Variants in MYORG observed in about 807,000 individuals in gnomAD.
The protein encoded by MYORG is alpha-galactosidase MYORG.
A neutral mutation model predicts 49.8 loss-of-function variants in MYORG; 45 were observed. The observed-to-expected ratio is 0.90, with a 90% CI of 0.71 to 1.16. MYORG has a LOEUF of 1.16. MYORG is among the 50% of genes most tolerant of loss of function. The pLI is 0.00. For synonymous variants in MYORG, 552 were observed against 462.9 expected (o/e 1.19, Z -2.47); for missense variants, 1,110 against 1,026.5 (o/e 1.08, Z -1.11).
rs745599177 is a variant in MYORG at position 34,370,822 on chromosome 9, C to T, written c.2122G>A (p.Ala708Thr). The T allele has an allele frequency of 2.5e-6, 4 of 1,584,904 alleles. No individual in the cohort carries two copies. The highest frequency in any genetic ancestry group is 3.4e-5 in the Admixed American group (2 of 58,912). The change falls in exon 2 of 2, where the codon GCC becomes ACC. Residue 708 changes from alanine to threonine, a missense_variant. Coordinates refer to ENST00000297625, the MANE Select transcript of MYORG (RefSeq NM_020702.5). Reference sequence around the variant, plus strand: ...GGTCAGGACGCCCAGGTAAAGTAGGCGATCTCATCCAGGTCGACCGGGTAA... The same window carrying T: ...GGTCAGGACGCCCAGGTAAAGTAGGTGATCTCATCCAGGTCGACCGGGTAA... The part of the protein sequence containing the change: ...TDYPVDLDEI[A>T]YFTWAS
intron 1 of MYORG, among the ~76,000 whole-genome samples, chr9:34,374,639 C>T (rs993785192): frequency 6.6e-6 from 1 of 151,976 alleles, no homozygotes; most frequent in Non-Finnish European, 1.5e-5. Flanking sequence ...TGCCTGTAAT[C>T]CTAGCACTTT....
At position 34,371,208 on chromosome 9, in the gene MYORG, T is replaced by G. The variant is rs1313829774; in HGVS notation, c.1736A>C (p.Glu579Ala). 1.9e-6 allele frequency: 3 copies of G among 1,610,548 alleles called. No homozygotes were observed. The South Asian group carries it at 3.3e-5, about 18-fold the overall frequency. The change falls in exon 2 of 2, where the codon GAA (glutamate) becomes GCA (alanine). Residue 579 changes from glutamate (E) to alanine (A), a missense_variant. Physicochemically the swap from Glu to Ala is moderately radical, Grantham distance 107. Coordinates refer to ENST00000297625, the MANE Select transcript of MYORG (RefSeq NM_020702.5). ...CATGGCCGGCATAAAGGCGGCCACTTCCAGCCAGCGAATGTAGAGCTCGCG... is the reference window on the plus strand; with the variant it reads ...CATGGCCGGCATAAAGGCGGCCACTGCCAGCCAGCGAATGTAGAGCTCGCG... The part of the protein sequence containing the change: ...PERELYIRWL[E>A]VAAFMPAMQF...
chr9:34,374,682 A>G (rs1217186726), intron 1 of MYORG, among the ~76,000 whole-genome samples: 1 of 151,828 alleles, frequency 6.6e-6, no homozygotes, highest in Admixed American at 6.6e-5. Flanking sequence ...TCTTGAGCTC[A>G]GGAGTTTGAG....
chr9:34,373,346 A>G (rs1434613485), intron 1 of MYORG, among the ~76,000 whole-genome samples: 1 of 152,202 alleles, frequency 6.6e-6, no homozygotes, highest in Non-Finnish European at 1.5e-5. Context: ...CCCAGATCAC[A>G]CATGGGGCCG....
rs954242292 is a variant in MYORG, at chr9:34,368,422, G to A, written c.*2377C>T. The A allele has an allele frequency of 5.9e-5, 9 of 152,102 alleles. No homozygotes were observed. Among genetic ancestry groups the A allele is most frequent in the Non-Finnish European group, 1.2e-4 (8 of 68,032 alleles). The allele number at this position is 152,102 out of a possible 1,614,324, so 9.4% of individuals were successfully genotyped here. A position where few individuals can be genotyped will look rare whatever the true frequency, so the allele number is the denominator to read the frequency against. ...GCTGCAAATTTTCCAAACTTTTATAGTCTGTTTCCCTTTTAAAACTGAATG... is the reference window on the plus strand; with the variant it reads ...GCTGCAAATTTTCCAAACTTTTATAATCTGTTTCCCTTTTAAAACTGAATG... On this transcript the variant is annotated 3_prime_UTR_variant, in exon 2 of 2. Transcript: ENST00000297625.
Position 34,370,726 on chromosome 9 carries a change from G to A in MYORG, c.*73C>T, listed in dbSNP as rs1426037434. ...GGTGGGAGGTTCCTGGGAGTACATG[G>A]TGCGGGTGTGACGGAGGGTTCAAGG... On this transcript the variant is annotated 3_prime_UTR_variant, in exon 2 of 2. Coordinates refer to ENST00000297625, the MANE Select transcript of MYORG (RefSeq NM_020702.5). The A allele has an allele frequency of 6.1e-6, 9 of 1,472,562 alleles. 1 individual carries two copies. The highest frequency in any genetic ancestry group is 8.1e-6 in the Non-Finnish European group (9 of 1,106,018). 91.2% of individuals were successfully genotyped at this position (1,472,562 alleles called of 1,614,324 possible).
Position 34,370,625 on chromosome 9 carries a change from C to T in MYORG, c.*174G>A. The T allele has an allele frequency of 8.3e-7, 1 of 1,201,460 alleles. No individual in the cohort carries two copies. The highest frequency in any genetic ancestry group is 1.8e-5 in the South Asian group (1 of 55,674). 74.4% of individuals were successfully genotyped at this position (1,201,460 alleles called of 1,614,324 possible). On this transcript the variant is annotated 3_prime_UTR_variant, in exon 2 of 2. Coordinates refer to ENST00000297625, the MANE Select transcript of MYORG (RefSeq NM_020702.5). ...GTTGGAGCAGGAGATTGCTTCAGTG[C>T]CCCCTCCCTAGGCCCCACCTTCAGC...
chr9:34,371,976 A>G lies in MYORG; in HGVS notation c.968T>C (p.Leu323Pro), dbSNP rs1472373442. 6.2e-7 allele frequency: 1 copy of G among 1,613,906 alleles called. No individual in the cohort carries two copies. Among genetic ancestry groups the G allele is most frequent in the Non-Finnish European group, 8.5e-7 (1 of 1,179,900 alleles). Reference protein sequence around the residue: ...FRDPIWSTWALYGRAVDQDKV... With the variant: ...FRDPIWSTWAPYGRAVDQDKV... ...GTCCTGGTCCACGGCGCGCCCGTACAGCGCCCATGTGGACCAAATGGGGTC... is the reference window on the plus strand; with the variant it reads ...GTCCTGGTCCACGGCGCGCCCGTACGGCGCCCATGTGGACCAAATGGGGTC... The change falls in exon 2 of 2, where the codon CTG (leucine) becomes CCG (proline). Residue 323 changes from leucine to proline, a missense_variant. By Grantham distance (98) the Leu-to-Pro change is moderately conservative. Transcript: ENST00000297625.
At position 34,371,998 on chromosome 9, in the gene MYORG, G is replaced by T. The variant is rs776415862; in HGVS notation, c.946C>A (p.Pro316Thr). The change falls in exon 2 of 2, where the codon CCC (proline) becomes ACC (threonine). Residue 316 changes from proline to threonine, a missense_variant. Coordinates refer to ENST00000297625, the MANE Select transcript of MYORG (RefSeq NM_020702.5). Reference sequence around the variant, plus strand: ...TACAGCGCCCATGTGGACCAAATGGGGTCTCGGAAGGCCTCGGGTGCTGGC... The same window carrying T: ...TACAGCGCCCATGTGGACCAAATGGTGTCTCGGAAGGCCTCGGGTGCTGGC... Reference protein sequence around the residue: ...RVPAPEAFRDPIWSTWALYGR... With the variant: ...RVPAPEAFRDTIWSTWALYGR... 6.2e-7 allele frequency: 1 copy of T among 1,614,028 alleles called. No homozygotes were observed. The highest frequency in any genetic ancestry group is 1.7e-5 in the Admixed American group (1 of 60,036).
Position 34,372,197 on chromosome 9 carries a change from C to A in MYORG, c.747G>T (p.Trp249Cys). The change falls in exon 2 of 2, where the codon TGG becomes TGT. Residue 249 changes from tryptophan to cysteine, a missense_variant. Transcript: ENST00000297625. ...GCCGCAGCGAGCGCTCCGTGCTGTT[C>A]CAGCCCAGGTGGAAGGGCACTGAGT... ...VNDSVPFHLG[W>C]NSTERSLRLQ... The A allele has an allele frequency of 1.2e-6, 2 of 1,612,074 alleles. No individual in the cohort carries two copies. The highest frequency in any genetic ancestry group is 1.7e-6 in the Non-Finnish European group (2 of 1,179,448).
rs1386042196 is a variant in MYORG, at chr9:34,372,610, G to A, written c.334C>T (p.Arg112Cys). The A allele has an allele frequency of 6.9e-6, 11 of 1,604,602 alleles. No homozygotes were observed. The highest frequency in any genetic ancestry group is 2.2e-5 in the South Asian group (2 of 89,594). ...AGCGCGCCGGAGCGGAAGGCCAGGC[G>A]GAAGACCTGCTCTCCCTTCTGATTG... Reference protein sequence around the residue: ...IRNQKGEQVFRLAFRSGALDL... With the variant: ...IRNQKGEQVFCLAFRSGALDL... The change falls in exon 2 of 2, where the codon CGC (arginine) becomes TGC (cysteine). Residue 112 changes from arginine to cysteine, a missense_variant. Transcript: ENST00000297625.
In MYORG at chr9:34,371,552, C is replaced by A; in HGVS notation, c.1392G>T (p.Ala464=). 1 of 1,605,094 alleles carries A rather than the reference C, an allele frequency of 6.2e-7. No individual in the cohort carries two copies. The change falls in exon 2 of 2, where the codon GCG becomes GCT. Residue 464 remains alanine (A), a synonymous_variant. Coordinates refer to ENST00000297625, the MANE Select transcript of MYORG (RefSeq NM_020702.5). ...CCCGCGGCAGGTAGCTGACCTCGCC[C>A]GCGTCGAACTTGAAGGAAGCCACGG... ...RYSVASFKFD[A]GEVSYLPRDF... is the part of the protein sequence containing the mutation.
At chr9:34,374,291 A>G (rs1343781297) in intron 1 of MYORG, among the ~76,000 whole-genome samples, 1 of 152,114 alleles carries the variant, frequency 6.6e-6, no homozygotes, top group Non-Finnish European at 1.5e-5. Context: ...TTATCAAACC[A>G]TATCTATCCC....
Position 34,372,644 on chromosome 9 carries a change from G to T in MYORG, c.300C>A (p.Phe100Leu). 1 of 1,607,096 alleles carries T rather than the reference G, an allele frequency of 6.2e-7. No individual in the cohort carries two copies. Residue 100 changes from phenylalanine (F) to leucine (L), a missense_variant, in exon 2 of 2, where the codon TTC (phenylalanine) becomes TTA (leucine). Phe to Leu is a conservative substitution (Grantham distance 22). Transcript: ENST00000297625. ...AELLDLKAGG[F>L]SIRNQKGEQV... ...GCTCTCCCTTCTGATTGCGGATGGA[G>T]AAGCCGCCAGCTTTCAGGTCCAGCA...
chr9:34,372,740 C>T lies in MYORG; in HGVS notation c.204G>A (p.Val68=), dbSNP rs762234509. ...LGSAVLGLLL[V]LAAVVAWCYY... is the part of the protein sequence containing the mutation. ...AGCACCAGGCCACCACCGCGGCCAG[C>T]ACAAGCAGCAGCCCCAGAACCGCGG... Residue 68 remains valine, a synonymous_variant, in exon 2 of 2, where the codon GTG becomes GTA. Transcript: ENST00000297625. The T allele has an allele frequency of 6.2e-7, 1 of 1,613,622 alleles. No homozygotes were observed. Among genetic ancestry groups the T allele is most frequent in the Non-Finnish European group, 8.5e-7 (1 of 1,179,740 alleles).
rs1238306672 is a variant in MYORG, at chr9:34,370,468, C to T, written c.*331G>A. Reference sequence around the variant, plus strand: ...TTCTCTTTGTGCTTTTAAACCCCAACCATGTATAACCATGTATAACAGGAA... The same window carrying T: ...TTCTCTTTGTGCTTTTAAACCCCAATCATGTATAACCATGTATAACAGGAA... On this transcript the variant is annotated 3_prime_UTR_variant, in exon 2 of 2. Coordinates refer to ENST00000297625, the MANE Select transcript of MYORG (RefSeq NM_020702.5). 8.4e-6 allele frequency: 2 copies of T among 237,754 alleles called. No homozygotes were observed. Among genetic ancestry groups the T allele is most frequent in the Admixed American group, 1.0e-4 (2 of 19,886 alleles). 14.7% of individuals were successfully genotyped at this position (237,754 alleles called of 1,614,324 possible).
chr9:34,373,603 C>T (rs906600772), intron 1 of MYORG, among the ~76,000 whole-genome samples: 2 of 152,162 alleles, frequency 1.3e-5, no homozygotes, highest in African/African-American at 4.8e-5. Flanking sequence ...AAGGCGCACA[C>T]CACCACACCT....
rs1232948640 is a variant in MYORG at position 34,371,428 on chromosome 9, C to T, written c.1516G>A (p.Gly506Ser). The change falls in exon 2 of 2, where the codon GGC becomes AGC. Residue 506 changes from glycine to serine, a missense_variant. Transcript: ENST00000297625. The part of the protein sequence containing the change: ...PFFSLAEVRV[G>S]YQSQNISCFF... ...CAGGAGATGTTCTGTGACTGGTAGC[C>T]TACGCGCACCTCCGCCAGCGAGAAG... 1.2e-6 allele frequency: 2 copies of T among 1,613,144 alleles called. No individual in the cohort carries two copies. Among genetic ancestry groups the T allele is most frequent in the Non-Finnish European group, 1.7e-6 (2 of 1,179,814 alleles).
chr9:34,373,512 G>T (rs749824207), intron 1 of MYORG, among the ~76,000 whole-genome samples: 1 of 152,156 alleles, frequency 6.6e-6, no homozygotes, highest in African/African-American at 2.4e-5. Context: ...GAGTGCAGTG[G>T]CATGATCTCA....
Sources: gnomAD v4.1 joint callset for allele counts (sites outside exome capture counted in the v4.1 genomes callset) on GRCh38, gnomAD v4.1.1 for gene constraint, MANE v1.5 for transcripts, NCBI Gene and HGNC (gene_info 2026-07-23, HGNC 2026-07-21) for gene names.